Variants in TTLL5 observed in about 807,000 individuals in gnomAD.
TTLL5 encodes the protein tubulin tyrosine ligase like 5.
Under a neutral mutation model 168.4 loss-of-function variants are expected in TTLL5, and 132 were observed. The ratio of observed to expected loss-of-function variants is 0.78; its 90% CI spans 0.68 to 0.91. The LOEUF is 0.91. Ranked by LOEUF, TTLL5 falls within the 40% of genes least tolerant of loss-of-function variation. The pLI is 0.00. For synonymous variants in TTLL5, 546 were observed against 558.6 expected (o/e 0.98, Z 0.32); for missense variants, 1,545 against 1,581.5 (o/e 0.98, Z 0.39).
chr14:75,712,980 CAAAG>C (rs1887196036), intron 9 of TTLL5, among the ~76,000 whole-genome samples: 2 of 152,198 alleles, frequency 1.3e-5, no homozygotes, highest in South Asian at 4.1e-4. Flanking sequence ...TCAAATTTAA[CAAAG>C]AAAGTAGGAA....
intron 8 of TTLL5, among the ~76,000 whole-genome samples, chr14:75,707,327 GTAAT>G (rs1453013235): frequency 6.6e-5 from 10 of 151,942 alleles, no homozygotes; most frequent in African/African-American, 2.2e-4. Flanking sequence ...AAATTGTGCA[GTAAT>G]TAATATATAT....
chr14:75,803,457 T>C (rs981014799), intron 27 of TTLL5, among the ~76,000 whole-genome samples: 34 of 152,204 alleles, frequency 2.2e-4, no homozygotes, highest in African/African-American at 8.2e-4. Flanking sequence ...TTCCCTGCCA[T>C]GTGAGCAGCG....
At chr14:75,760,267 G>C (rs563810667) in intron 18 of TTLL5, among the ~76,000 whole-genome samples, 27 of 151,940 alleles carry the variant, frequency 1.8e-4, no homozygotes, top group African/African-American at 5.3e-4. Context: ...AAATACTTAG[G>C]AATAAATTTA....
intron 12 of TTLL5, among the ~76,000 whole-genome samples, chr14:75,723,848 CT>C (rs938984355): frequency 4.6e-5 from 7 of 152,002 alleles, no homozygotes; most frequent in Non-Finnish European, 8.8e-5. Context: ...ATCTTCTTGG[CT>C]TTTGTGGTTC....
intron 7 of TTLL5, 54 bp downstream of exon 7, chr14:75,699,324 ACC>A (rs1452867376): frequency 6.9e-7 from 1 of 1,454,780 alleles, no homozygotes; most frequent in East Asian, 2.3e-5. Context: ...TTCCTCCTTC[ACC>A]CTTTGTATTG....
At chr14:75,662,540 T>C (rs1890812657) in intron 1 of TTLL5, among the ~76,000 whole-genome samples, 1 of 149,800 alleles carries the variant, frequency 6.7e-6, no homozygotes, top group Non-Finnish European at 1.5e-5. Context: ...GGTTTCTCCA[T>C]GTTAGTCAGG....
chr14:75,662,582 G>A (rs1404255730), intron 1 of TTLL5, among the ~76,000 whole-genome samples: 5 of 148,912 alleles, frequency 3.4e-5, no homozygotes, highest in African/African-American at 7.4e-5. Context: ...CAGGTGATCC[G>A]CCCGCCTTGG....
chr14:75,911,503 G>C lies in TTLL5; in HGVS notation c.3823+9279G>C, dbSNP rs372678129. 1.4e-3 allele frequency among the ~76,000 whole-genome samples: 207 copies of C among 152,316 alleles called. 4 individuals carry two copies. In the South Asian group the frequency reaches 0.026, roughly 19 times the overall value. Reference sequence around the variant, plus strand: ...AAAAAGCAGCTGCTTAGAAGTTGCTGTATGTATCATTTAGTTGTTTGGTGT... The same window carrying C: ...AAAAAGCAGCTGCTTAGAAGTTGCTCTATGTATCATTTAGTTGTTTGGTGT... On this transcript the variant is annotated intron_variant, in intron 31 of 31. Transcript: ENST00000298832.
chr14:75,919,843 G>A (rs1236191087), intron 31 of TTLL5, among the ~76,000 whole-genome samples: 3 of 151,938 alleles, frequency 2.0e-5, no homozygotes, highest in East Asian at 1.9e-4. Flanking sequence ...AGGACAAACC[G>A]GGTGCAGTGG....
At chr14:75,722,429 T>C (rs1320677888) in intron 12 of TTLL5, among the ~76,000 whole-genome samples, 3 of 152,146 alleles carry the variant, frequency 2.0e-5, no homozygotes, top group Non-Finnish European at 4.4e-5. Flanking sequence ...AAAAAACTTT[T>C]TGTAGAAATG....
At chr14:75,929,259 G>T (rs542181416) in intron 31 of TTLL5, among the ~76,000 whole-genome samples, 1 of 152,058 alleles carries the variant, frequency 6.6e-6, no homozygotes, top group Admixed American at 6.6e-5. Flanking sequence ...GCTACCATTT[G>T]TGTGAATTTG....
chr14:75,827,704 G>GTTTTTTTTTTT (rs1566621341), intron 28 of TTLL5, among the ~76,000 whole-genome samples: 1 of 92,548 alleles, frequency 1.1e-5, no homozygotes, highest in African/African-American at 4.1e-5. Flanking sequence ...ATTTGGCTTG[G>GTTTTTTTTTTT]TTCTTTTTTT....
Position 75,874,933 on chromosome 14 carries a change from C to CCTTTTTTTTTTTTTTTTTTTTTTTTTTT in TTLL5, c.3523-7752_3523-7751insCTTTTTTTTTTTTTTTTTTTTTTTTTTT, listed in dbSNP as rs778792332. Among the ~76,000 whole-genome samples, 9 of 97,546 alleles carry CCTTTTTTTTTTTTTTTTTTTTTTTTTTT rather than the reference C, an allele frequency of 9.2e-5. 1 individual carries two copies. The highest frequency in any genetic ancestry group is 3.4e-4 in the African/African-American group (7 of 20,370). 64.0% of individuals were successfully genotyped at this position (97,546 alleles called of 152,430 possible). ...AGAGAAAAAAAAAGACACTGGGGGC[C>CCTTTTTTTTTTTTTTTTTTTTTTTTTTT]TTTTTTTTTTTTTTTTTTGAGACGG... On this transcript the variant is annotated intron_variant, in intron 29 of 31. Transcript: ENST00000298832.
rs141482385 is a variant in TTLL5 at position 75,949,477 on chromosome 14, A to G, written c.3824-4947A>G. On this transcript the variant is annotated intron_variant, in intron 31 of 31. Coordinates refer to ENST00000298832, the MANE Select transcript of TTLL5 (RefSeq NM_015072.5). ...ATCCTATATATATATAACCTTATAT[A>G]AAGAATATATATATATAAAACCTTA... Among the ~76,000 whole-genome samples the G allele has an allele frequency of 3.9e-3, 521 of 133,018 alleles. 5 individuals are homozygous for G. Among genetic ancestry groups the G allele is most frequent in the African/African-American group, 0.013 (483 of 36,060 alleles). 87.3% of individuals were successfully genotyped at this position (133,018 alleles called of 152,430 possible).
At chr14:75,797,218 C>T (rs1342656773) in intron 27 of TTLL5, among the ~76,000 whole-genome samples, 1 of 152,038 alleles carries the variant, frequency 6.6e-6, no homozygotes, top group Non-Finnish European at 1.5e-5. Context: ...ATGTGATTCT[C>T]AGCTTGGCGG....
intron 9 of TTLL5, among the ~76,000 whole-genome samples, chr14:75,715,235 G>T (rs1275420293): frequency 1.3e-5 from 2 of 148,410 alleles, no homozygotes; most frequent in African/African-American, 5.0e-5. Flanking sequence ...TGTGCTTCTG[G>T]CTGACTTCCC....
intron 15 of TTLL5, 89 bp downstream of exon 15, chr14:75,735,378 T>C (rs1888820946): frequency 1.5e-5 from 19 of 1,264,770 alleles, no homozygotes; most frequent in Non-Finnish European, 2.1e-5. Flanking sequence ...ACTGTGGGTA[T>C]GAGGTCACTT....
At chr14:75,926,082 C>A (rs1595282511) in intron 31 of TTLL5, among the ~76,000 whole-genome samples, 2 of 133,140 alleles carry the variant, frequency 1.5e-5, no homozygotes, top group Admixed American at 7.6e-5. Flanking sequence ...GGCCGTGGGC[C>A]GTGGGGAGAG....
chr14:75,886,916 A>G, intron 30 of TTLL5: 1 of 1,439,490 alleles, frequency 6.9e-7, no homozygotes, highest in South Asian at 1.5e-5. Context: ...CTCAGACTGA[A>G]TGAATTTGAA....
Sources: gnomAD v4.1 joint callset for allele counts (sites outside exome capture counted in the v4.1 genomes callset) on GRCh38, gnomAD v4.1.1 for gene constraint, MANE v1.5 for transcripts, NCBI Gene and HGNC (gene_info 2026-07-23, HGNC 2026-07-21) for gene names.